IGSF9B: variants seen among roughly 807,000 people sequenced by gnomAD.
IGSF9B encodes the protein immunoglobulin superfamily member 9B.
A neutral mutation model predicts 143.7 loss-of-function variants in IGSF9B; 48 were observed. The observed-to-expected ratio is 0.33, with a 90% confidence interval of 0.26 to 0.42. The LOEUF is 0.42. Among genes scored for constraint, IGSF9B ranks in the 20% least tolerant of loss-of-function variants. The pLI is 1.00. For synonymous variants in IGSF9B, 903 were observed against 833.1 expected, an observed-to-expected ratio of 1.08 and a Z score of -1.44; for missense variants, 1,706 against 1,980.0, an observed-to-expected ratio of 0.86 and a Z score of 2.63.
At chr11:133,922,115 C>T (rs375954409) in intron 17 of IGSF9B, 62 bp downstream of exon 17, 13 of 1,381,154 alleles carry the variant, frequency 9.4e-6, no homozygotes, top group Middle Eastern at 1.8e-4. Context: ...GTAAGGCGAG[C>T]GGTCTACCTA....
Position 133,931,775 on chromosome 11 carries a change from C to A in IGSF9B, c.1131G>T (p.Met377Ile). The A allele has an allele frequency of 6.2e-7, 1 of 1,612,260 alleles. No homozygotes were observed. The highest frequency in any genetic ancestry group is 8.5e-7 in the Non-Finnish European group (1 of 1,179,454). Residue 377 changes from methionine (M) to isoleucine (I), a missense_variant, in exon 9 of 20, where the codon ATG (methionine) becomes ATT (isoleucine). Transcript: ENST00000533871. This position sits in a 1 kb window ranked among gnomAD's most constrained non-coding sequence, Gnocchi z 7.7. ...CCTCAATTCGAATGGAGCCATCCTC[C>A]ATCAGGGTCCAACCGAGGTTCTGCC... Reference protein sequence around the residue: ...QVEKNLGWTLMEDGSIRIEEA... With the variant: ...QVEKNLGWTLIEDGSIRIEEA...
At position 133,920,502 on chromosome 11, in the gene IGSF9B, C is replaced by T. The variant is rs527279278; in HGVS notation, c.3223G>A (p.Gly1075Ser). Reference protein sequence around the residue: ...DVPESLQPKAGLPRGLPPTSL... With the variant: ...DVPESLQPKASLPRGLPPTSL... ...GTGGGGGGCAGTCCTCGGGGGAGGCCGGCCTTGGGCTGCAGACTCTCGGGC... is the reference window on the plus strand; with the variant it reads ...GTGGGGGGCAGTCCTCGGGGGAGGCTGGCCTTGGGCTGCAGACTCTCGGGC... Residue 1075 changes from glycine to serine, a missense_variant, in exon 18 of 20, where the codon GGC becomes AGC. Gly to Ser is a moderately conservative substitution (Grantham distance 56). Coordinates refer to ENST00000533871, the MANE Select transcript of IGSF9B (RefSeq NM_001277285.4). The T allele has an allele frequency of 2.0e-5, 32 of 1,587,378 alleles. 1 individual carries two copies. The South Asian group carries it at 3.5e-4, about 17-fold the overall frequency.
Position 133,932,086 on chromosome 11 carries a change from G to C in IGSF9B, c.1095C>G (p.Pro365=), listed in dbSNP as rs1760130205. The C allele has an allele frequency of 1.2e-6, 2 of 1,613,334 alleles. No homozygotes were observed. The highest frequency in any genetic ancestry group is 2.2e-5 in the South Asian group (2 of 90,996). ...TVVKWNKDGR[P]LQVEKNLGWT... ...TCTCTAGCACCTTCTCAACCTGCAG[G>C]GGACGGCCGTCCTTGTTCCACTTGA... The change falls in exon 8 of 20, where the codon CCC becomes CCG. Residue 365 remains proline (P), a synonymous_variant. Transcript: ENST00000533871.
At position 133,927,013 on chromosome 11, in the gene IGSF9B, G is replaced by A. The variant is rs774442741; in HGVS notation, c.1710C>T (p.Asp570=). 2.7e-5 allele frequency: 42 copies of A among 1,576,508 alleles called. No individual in the cohort carries two copies. The South Asian group carries it at 4.9e-4, about 18-fold the overall frequency. ...VPPGPSWLLV[D]TLEPETAYQF... ...GGTACGCTGTCTCAGGCTCCAGGGT[G>A]TCCACCAGCAGCCAGCTGGGTCCTG... Residue 570 remains aspartate (D), a synonymous_variant, in exon 13 of 20, where the codon GAC becomes GAT. Transcript: ENST00000533871.
chr11:133,944,491 TC>T, intron 2 of IGSF9B, 125 bp from the exon 3 acceptor site: 2 of 1,044,222 alleles, frequency 1.9e-6, no homozygotes, highest in Non-Finnish European at 2.8e-6. Context: ...ATGGCAGGGC[TC>T]CAGAATAACA....
In IGSF9B at chr11:133,921,251, C is replaced by A. The variant is rs763692997; in HGVS notation, c.2474G>T (p.Arg825Leu). The change falls in exon 18 of 20, where the codon CGG becomes CTG. Residue 825 changes from arginine (R) to leucine (L), a missense_variant. This residue lies in a region of IGSF9B where 135 missense variants were observed against 181.3 expected (regional missense o/e 0.74). Transcript: ENST00000533871. ...GCTGTACTTCTTGCTGCTGATGGCC[C>A]GCTTGGTCTTCTTGTACAGCGACAG... The part of the protein sequence containing the change: ...KELSLYKKTK[R>L]AISSKKYSVA... 1 of 1,610,864 alleles carries A rather than the reference C, an allele frequency of 6.2e-7. No homozygotes were observed. The highest frequency in any genetic ancestry group is 1.7e-5 in the Admixed American group (1 of 59,982).
Position 133,920,474 on chromosome 11 carries a change from G to C in IGSF9B, c.3251C>G (p.Ser1084Cys), listed in dbSNP as rs753055835. 6.4e-6 allele frequency: 10 copies of C among 1,572,256 alleles called. No individual in the cohort carries two copies. The highest frequency in any genetic ancestry group is 8.6e-6 in the Non-Finnish European group (10 of 1,158,360). Reference sequence around the variant, plus strand: ...CGGGTAGGCCGCGGGCACCTGCAGGGAGGTGGGGGGCAGTCCTCGGGGGAG... The same window carrying C: ...CGGGTAGGCCGCGGGCACCTGCAGGCAGGTGGGGGGCAGTCCTCGGGGGAG... ...AGLPRGLPPT[S>C]LQVPAAYPGI... Residue 1084 changes from serine to cysteine, a missense_variant, in exon 18 of 20, where the codon TCC becomes TGC. Coordinates refer to ENST00000533871, the MANE Select transcript of IGSF9B (RefSeq NM_001277285.4).
Position 133,902,568 on chromosome 11 carries a change from C to CCA in IGSF9B, c.*6499_*6500dup, listed in dbSNP as rs147664648. 8.7e-4 allele frequency among the ~76,000 whole-genome samples: 126 copies of CCA among 145,192 alleles called. 1 individual carries two copies. The highest frequency in any genetic ancestry group is 3.9e-3 in the South Asian group (18 of 4,590). Reference sequence around the variant, plus strand: ...CACACACCACATACACACACACACCCCACACACACACACACACACCCCACT... The same window carrying CCA: ...CACACACCACATACACACACACACCCCACACACACACACACACACACCCCACT... On this transcript the variant is annotated 3_prime_UTR_variant, in exon 20 of 20. Transcript: ENST00000533871.
intron 12 of IGSF9B, among the ~76,000 whole-genome samples, chr11:133,927,954 C>T (rs988107108): frequency 8.5e-5 from 13 of 152,178 alleles, no homozygotes; most frequent in Non-Finnish European, 1.6e-4. Context: ...CGCCAAACGT[C>T]GGAGTCAGTG....
chr11:133,925,517 G>C (rs1295908347), intron 14 of IGSF9B, among the ~76,000 whole-genome samples: 2 of 152,138 alleles, frequency 1.3e-5, no homozygotes, highest in Non-Finnish European at 1.5e-5. Flanking sequence ...GTAGAACACA[G>C]GTCCCCGCTG....
At chr11:133,932,027 G>A (rs1226429689) in intron 8 of IGSF9B, 44 bp downstream of exon 8, 2 of 1,585,814 alleles carry the variant, frequency 1.3e-6, no homozygotes, top group African/African-American at 2.7e-5. Context: ...CACAGTACTG[G>A]GGGGAGCCCT....
At position 133,920,604 on chromosome 11, in the gene IGSF9B, C is replaced by T. The variant is rs1401113135; in HGVS notation, c.3121G>A (p.Gly1041Ser). Residue 1041 changes from glycine to serine, a missense_variant, in exon 18 of 20, where the codon GGC (glycine) becomes AGC (serine). Transcript: ENST00000533871. The stretch of plus-strand genomic sequence containing the variant: ...CCCCCGAAGGGGAATTCTGGCCGGC[C>T]CCAGGGCTCAGGGGAGCGCCCTCCT... ...PTGGRSPEPW[G>S]RPEFPFGGLE... is the part of the protein sequence containing the mutation. 1.2e-6 allele frequency: 2 copies of T among 1,613,378 alleles called. No individual in the cohort carries two copies. Among genetic ancestry groups the T allele is most frequent in the Non-Finnish European group, 1.7e-6 (2 of 1,179,824 alleles).
intron 3 of IGSF9B, among the ~76,000 whole-genome samples, chr11:133,939,385 C>T (rs908926837): frequency 2.0e-5 from 3 of 152,240 alleles, no homozygotes; most frequent in African/African-American, 7.2e-5. Flanking sequence ...GTGTGTTTAC[C>T]TGTTTCTTAC....
rs748472799 is a variant in IGSF9B at position 133,920,700 on chromosome 11, G to A, written c.3025C>T (p.His1009Tyr). Residue 1009 changes from histidine to tyrosine, a missense_variant, in exon 18 of 20, where the codon CAC (histidine) becomes TAC (tyrosine). By Grantham distance (83) the His-to-Tyr change is moderately conservative. This residue lies in a region of IGSF9B where 880 missense variants were observed against 762.9 expected (regional missense o/e 1.15). Coordinates refer to ENST00000533871, the MANE Select transcript of IGSF9B (RefSeq NM_001277285.4). ...PPLPTEGPFG[H>Y]PTIPEENGEN... ...CCATTCTCCTCGGGGATGGTGGGGT[G>A]GCCAAAGGGCCCCTCGGTGGGCAGG... 1.2e-6 allele frequency: 2 copies of A among 1,613,330 alleles called. No individual in the cohort carries two copies. Among genetic ancestry groups the A allele is most frequent in the Non-Finnish European group, 1.7e-6 (2 of 1,179,758 alleles).
At chr11:133,910,465 G>A (rs1276320896) in intron 19 of IGSF9B, among the ~76,000 whole-genome samples, 2 of 152,198 alleles carry the variant, frequency 1.3e-5, no homozygotes, top group African/African-American at 2.4e-5. Flanking sequence ...TACCTAGCGG[G>A]CTCGACGTAA....
rs1180346565 is a variant in IGSF9B at position 133,936,066 on chromosome 11, C to T, written c.808G>A (p.Val270Ile). 2 of 1,613,602 alleles carry T rather than the reference C, an allele frequency of 1.2e-6. No homozygotes were observed. Among genetic ancestry groups the T allele is most frequent in the Non-Finnish European group, 8.5e-7 (1 of 1,179,766 alleles). ...CAGGGTGCTCACTTCTGAAAGTAGA[C>T]GTTCTCGTCCTGCCAGTACCAGGTG... Reference protein sequence around the residue: ...TYTWYWQDENVYFQNDLKLRV... With the variant: ...TYTWYWQDENIYFQNDLKLRV... The change falls in exon 6 of 20, where the codon GTC (valine) becomes ATC (isoleucine). Residue 270 changes from valine (V) to isoleucine (I), a missense_variant. This residue lies in a region of IGSF9B where 238 missense variants were observed against 452.6 expected (regional missense o/e 0.53). Coordinates refer to ENST00000533871, the MANE Select transcript of IGSF9B (RefSeq NM_001277285.4).
At chr11:133,952,851 G>A (rs896786787) in intron 1 of IGSF9B, among the ~76,000 whole-genome samples, 1 of 152,162 alleles carries the variant, frequency 6.6e-6, no homozygotes, top group Non-Finnish European at 1.5e-5. Flanking sequence ...AGCAGTTGCA[G>A]CTCTTTGACC....
intron 7 of IGSF9B, 88 bp downstream of exon 7, chr11:133,935,529 G>A: frequency 1.4e-6 from 2 of 1,396,350 alleles, no homozygotes; most frequent in Non-Finnish European, 1.9e-6. Context: ...ATGATGCTTG[G>A]TCTTTGCTAC....
In IGSF9B at chr11:133,927,037, T is replaced by C; in HGVS notation, c.1686A>G (p.Pro562=). 4 of 1,564,608 alleles carry C rather than the reference T, an allele frequency of 2.6e-6. No homozygotes were observed. Among genetic ancestry groups the C allele is most frequent in the Non-Finnish European group, 3.5e-6 (4 of 1,154,702 alleles). The change falls in exon 13 of 20, where the codon CCA becomes CCG. Residue 562 remains proline (P), a synonymous_variant. Coordinates refer to ENST00000533871, the MANE Select transcript of IGSF9B (RefSeq NM_001277285.4). Reference sequence around the variant, plus strand: ...TGTCCACCAGCAGCCAGCTGGGTCCTGGCGGCACTGGCAAGGACAGCCAGT... The same window carrying C: ...TGTCCACCAGCAGCCAGCTGGGTCCCGGCGGCACTGGCAAGGACAGCCAGT... The part of the protein sequence containing the change: ...PHDWLSLPVP[P]GPSWLLVDTL...
Sources: allele counts gnomAD v4.1 joint callset (sites outside exome capture counted in the v4.1 genomes callset), GRCh38; gene constraint gnomAD v4.1.1; regional missense constraint gnomAD v4.1.1; non-coding constraint Gnocchi (gnomAD v3.1); transcripts MANE v1.5; gene names NCBI Gene and HGNC (gene_info 2026-07-23, HGNC 2026-07-21).